The following PRKDC variants were observed in gnomAD, a reference collection of about 807,000 sequenced individuals.
The protein encoded by PRKDC is protein kinase, DNA-activated, catalytic subunit.
In PRKDC, 82 loss-of-function variants were observed where a neutral mutation model predicts 486.9. That is an observed-to-expected ratio of 0.17 (90% CI 0.14 to 0.20). The LOEUF (loss-of-function observed/expected upper bound fraction) is 0.20. Ranked by LOEUF, PRKDC falls within the 10% of genes least tolerant of loss-of-function variation. PRKDC has a pLI of 1.00. For missense variants in PRKDC, 4,504 were observed against 5,038.2 expected (o/e 0.89, Z 3.21); for synonymous variants, 1,895 against 1,837.0 (o/e 1.03, Z -0.81).
intron 16 of PRKDC, among the ~76,000 whole-genome samples, chr8:47,932,276 G>T (rs1035977274): frequency 6.6e-6 from 1 of 152,166 alleles, no homozygotes; most frequent in African/African-American, 2.4e-5. Context: ...GTAGAGACGA[G>T]GTTTCACCGT....
chr8:47,856,200 G>A (rs1388885508), intron 49 of PRKDC, among the ~76,000 whole-genome samples: 1 of 152,094 alleles, frequency 6.6e-6, no homozygotes, highest in Non-Finnish European at 1.5e-5. Context: ...GTGTGAGAAA[G>A]CTCCACGTAT....
intron 74 of PRKDC, among the ~76,000 whole-genome samples, chr8:47,792,615 T>A (rs2086900411): frequency 6.6e-6 from 1 of 152,186 alleles, no homozygotes; most frequent in Non-Finnish European, 1.5e-5. Flanking sequence ...ATAACTGGAA[T>A]GTTTATAACA....
chr8:47,934,226 G>C (rs1004322619), intron 14 of PRKDC, 136 bp from the exon 15 acceptor site: 66 of 1,066,686 alleles, frequency 6.2e-5, no homozygotes, highest in Non-Finnish European at 8.0e-5. Context: ...GGAAGACATC[G>C]TATTAAAAAA....
intron 54 of PRKDC, among the ~76,000 whole-genome samples, chr8:47,841,746 TG>T (rs1266134345): frequency 6.6e-6 from 1 of 152,212 alleles, no homozygotes; most frequent in African/African-American, 2.4e-5. Context: ...GGGTGAGGCC[TG>T]TTTGCCAGCT....
intron 83 of PRKDC, among the ~76,000 whole-genome samples, chr8:47,778,244 C>T (rs1039657958): frequency 6.6e-6 from 1 of 152,326 alleles, no homozygotes; most frequent in Non-Finnish European, 1.5e-5. Context: ...CATTTAATTA[C>T]CGGCTCTGAT....
At chr8:47,897,068 G>A in intron 30 of PRKDC, 93 bp downstream of exon 30, 9 of 1,310,500 alleles carry the variant, frequency 6.9e-6, no homozygotes, top group Non-Finnish European at 9.4e-6. Flanking sequence ...CATGTTAACT[G>A]CAATGATACC....
chr8:47,881,835 C>T (rs1278375671), intron 37 of PRKDC, 77 bp downstream of exon 37: 7 of 1,260,242 alleles, frequency 5.6e-6, no homozygotes, highest in African/African-American at 3.0e-5. Context: ...TTTGGAGCAA[C>T]CTCCATCAAA....
At chr8:47,930,235 T>C (rs1295175494) in intron 17 of PRKDC, among the ~76,000 whole-genome samples, 1 of 152,228 alleles carries the variant, frequency 6.6e-6, no homozygotes, top group East Asian at 1.9e-4. Flanking sequence ...ATTTTAAAGA[T>C]CTATATAATC....
At position 47,785,261 on chromosome 8, in the gene PRKDC, T is replaced by A. The variant is rs1475310146; in HGVS notation, c.10959A>T (p.Arg3653Ser). The A allele has an allele frequency of 6.2e-7, 1 of 1,612,628 alleles. No homozygotes were observed. The highest frequency in any genetic ancestry group is 1.7e-5 in the Admixed American group (1 of 59,796). Residue 3653 changes from arginine to serine, a missense_variant, in exon 77 of 86, where the codon AGA becomes AGT. Transcript: ENST00000314191. ...TGTCGTTGAAGTCACTGAGCTTCAT[T>A]CTCAGTAGTTTAGAACCTCCTTTCC... Reference protein sequence around the residue: ...HFGKGGSKLLRMKLSDFNDIT... With the variant: ...HFGKGGSKLLSMKLSDFNDIT...
intron 14 of PRKDC, 145 bp downstream of exon 14, chr8:47,934,864 T>C (rs1359514316): frequency 5.1e-6 from 3 of 586,890 alleles, no homozygotes; most frequent in Non-Finnish European, 9.1e-6. Context: ...AGGTATTATG[T>C]CCTACACTTT....
chr8:47,908,190 A>G (rs558483241), intron 25 of PRKDC, among the ~76,000 whole-genome samples: 1 of 152,264 alleles, frequency 6.6e-6, no homozygotes, highest in East Asian at 1.9e-4. Context: ...AACACCAAAC[A>G]TTGTTCATCT....
At chr8:47,939,726 G>A in intron 10 of PRKDC, 29 bp from the exon 11 acceptor site, 1 of 1,504,734 alleles carries the variant, frequency 6.6e-7, no homozygotes, top group Non-Finnish European at 9.0e-7. Flanking sequence ...TATTTTTTTG[G>A]AAATATTTAA....
intron 60 of PRKDC, among the ~76,000 whole-genome samples, chr8:47,831,078 G>A (rs936773200): frequency 1.2e-4 from 18 of 152,178 alleles, no homozygotes; most frequent in Admixed American, 9.8e-4. Context: ...CCCCACTTCC[G>A]CCCCAAGGTC....
intron 58 of PRKDC, among the ~76,000 whole-genome samples, chr8:47,836,076 G>A (rs2088014750): frequency 1.3e-5 from 2 of 152,064 alleles, no homozygotes; most frequent in South Asian, 2.1e-4. Context: ...TTTTCCTCTT[G>A]CAAAACTGAA....
At chr8:47,798,018 A>T (rs771930195) in intron 73 of PRKDC, among the ~76,000 whole-genome samples, 1 of 152,262 alleles carries the variant, frequency 6.6e-6, no homozygotes, top group Non-Finnish European at 1.5e-5. Flanking sequence ...TTGTTCAGAC[A>T]CAGTGTTTTT....
intron 76 of PRKDC, among the ~76,000 whole-genome samples, chr8:47,786,904 A>G (rs2086801735): frequency 6.6e-6 from 1 of 151,248 alleles, no homozygotes; most frequent in African/African-American, 2.4e-5. Flanking sequence ...TAATTTTTGT[A>G]TTTTTAGTAA....
chr8:47,784,511 C>T (rs1254617465), intron 77 of PRKDC, among the ~76,000 whole-genome samples: 1 of 152,134 alleles, frequency 6.6e-6, no homozygotes, highest in East Asian at 1.9e-4. Flanking sequence ...CTTATACCCA[C>T]TGAAATGAGA....
intron 28 of PRKDC, among the ~76,000 whole-genome samples, chr8:47,898,894 A>C (rs1423341740): frequency 6.6e-6 from 1 of 152,222 alleles, no homozygotes; most frequent in Non-Finnish European, 1.5e-5. Flanking sequence ...GCCTCTCCTA[A>C]TGGACCTGAG....
At chr8:47,922,572 G>A (rs867972285) in intron 21 of PRKDC, among the ~76,000 whole-genome samples, 1 of 149,580 alleles carries the variant, frequency 6.7e-6, no homozygotes, top group African/African-American at 2.5e-5. Context: ...AATCAAAATG[G>A]TACGTGGGAT....
Sources: gnomAD v4.1 joint callset for allele counts (sites outside exome capture counted in the v4.1 genomes callset) on GRCh38, gnomAD v4.1.1 for gene constraint, MANE v1.5 for transcripts, NCBI Gene and HGNC (gene_info 2026-07-23, HGNC 2026-07-21) for gene names.